The following RYR1 variants were observed in gnomAD, a reference collection of about 807,000 sequenced individuals.
RYR1 encodes ryanodine receptor 1, also known as central core disease of muscle.
RYR1 carries 342 observed loss-of-function variants against 583.5 expected under a neutral mutation model. The observed-to-expected ratio is 0.59, with a 90% confidence interval of 0.54 to 0.64. RYR1 has a LOEUF of 0.64. Among genes scored for constraint, RYR1 ranks in the 30% least tolerant of loss-of-function variants. The pLI, the probability that RYR1 is intolerant of heterozygous loss-of-function variation, is 0.00. For synonymous variants in RYR1, 2,791 were observed against 2,822.5 expected, an observed-to-expected ratio of 0.99 and a Z score of 0.35; for missense variants, 6,032 against 6,917.2, an observed-to-expected ratio of 0.87 and a Z score of 4.54.
Position 38,559,284 on chromosome 19 carries a change from G to T in RYR1, c.12283-1829G>T, listed in dbSNP as rs374629914. Among the ~76,000 whole-genome samples, 124 of 145,416 alleles carry T rather than the reference G, an allele frequency of 8.5e-4. 1 individual carries two copies. Among genetic ancestry groups the T allele is most frequent in the African/African-American group, 3.1e-3 (121 of 39,384 alleles). On this transcript the variant is annotated intron_variant, in intron 89 of 105. Coordinates refer to ENST00000359596, the MANE Select transcript of RYR1 (RefSeq NM_000540.3). ...GGTCTCGCTCTTATTGCCCAGGCTAGGTGCAATGGCACAATCTTGGCTCAC... is the reference window on the plus strand; with the variant it reads ...GGTCTCGCTCTTATTGCCCAGGCTATGTGCAATGGCACAATCTTGGCTCAC...
intron 84 of RYR1, among the ~76,000 whole-genome samples, chr19:38,541,719 A>G (rs1175156101): frequency 2.0e-5 from 3 of 152,090 alleles, no homozygotes; most frequent in Non-Finnish European, 4.4e-5. Flanking sequence ...GTATCTCAAA[A>G]AAAAAAGGAT....
chr19:38,524,041 C>T, intron 70 of RYR1, 112 bp downstream of exon 70: 19 of 1,203,634 alleles, frequency 1.6e-5, no homozygotes, highest in Non-Finnish European at 2.2e-5. Flanking sequence ...CCACCCCCGT[C>T]CTCCCCTCCC....
Position 38,473,651 on chromosome 19 carries a change from G to A in RYR1, c.4040G>A (p.Gly1347Asp). ...SAGGWSEAEN[G>D]KEGTAKEGAP... The stretch of plus-strand genomic sequence containing the variant: ...GGGGGCTGGAGCGAGGCAGAGAACG[G>A]CAAAGAAGGGACTGCGAAGGAGGGC... The change falls in exon 28 of 106, where the codon GGC becomes GAC. Residue 1347 changes from glycine (G) to aspartate (D), a missense_variant. Physicochemically the swap from Gly to Asp is moderately conservative, Grantham distance 94. Around this residue, in one of 11 missense-constraint regions of RYR1, gnomAD observed 2,627 missense variants for 2,961.3 expected, o/e 0.89. Coordinates refer to ENST00000359596, the MANE Select transcript of RYR1 (RefSeq NM_000540.3). 6.4e-7 allele frequency: 1 copy of A among 1,556,320 alleles called. No homozygotes were observed. Among genetic ancestry groups the A allele is most frequent in the Non-Finnish European group, 8.7e-7 (1 of 1,150,060 alleles).
intron 67 of RYR1, among the ~76,000 whole-genome samples, chr19:38,522,018 A>G (rs914928740): frequency 7.9e-5 from 12 of 152,026 alleles, no homozygotes; most frequent in Admixed American, 7.2e-4. Flanking sequence ...GAAAGAAAAA[A>G]TTTTAAAAAG....
At chr19:38,538,062 G>T in intron 84 of RYR1, 102 bp downstream of exon 84, 1 of 1,052,648 alleles carries the variant, frequency 9.5e-7, no homozygotes, top group South Asian at 1.3e-5. Context: ...CCCGGTCAAT[G>T]ATGGCCACTC....
In RYR1 at chr19:38,444,448, TG is replaced by T; in HGVS notation, c.538-135del. The T allele has an allele frequency of 1.2e-6, 1 of 864,010 alleles. No homozygotes were observed. The highest frequency in any genetic ancestry group is 1.9e-6 in the Non-Finnish European group (1 of 521,796). 53.5% of individuals were successfully genotyped at this position (864,010 alleles called of 1,614,324 possible). A position where few individuals can be genotyped will look rare whatever the true frequency, so the allele number is the denominator to read the frequency against. ...CCCATTGCCCGACTTGATCATTTCC[TG>T]ATCTGTGATCTCTGATGACTCTGTC... is the stretch of plus-strand genomic sequence containing the variant. On this transcript the variant is annotated intron_variant, in intron 6 of 105. Coordinates refer to ENST00000359596, the MANE Select transcript of RYR1 (RefSeq NM_000540.3). The surrounding 1 kb of genome is among the most constrained non-coding windows in gnomAD (Gnocchi z 5.1).
chr19:38,447,594 C>T (rs948036037), intron 9 of RYR1, among the ~76,000 whole-genome samples: 20 of 151,548 alleles, frequency 1.3e-4, no homozygotes, highest in African/African-American at 4.9e-4. Context: ...GTAATCCCAG[C>T]ACTTTGGGAA....
At position 38,434,565 on chromosome 19, in the gene RYR1, CTG is replaced by C. The variant is rs1228865950; in HGVS notation, c.45+693_45+694del. Among the ~76,000 whole-genome samples, 14 of 152,254 alleles carry C rather than the reference CTG, an allele frequency of 9.2e-5. No individual in the cohort carries two copies. In the East Asian group the frequency reaches 2.7e-3, roughly 29 times the overall value. On this transcript the variant is annotated intron_variant, in intron 1 of 105. Coordinates refer to ENST00000359596, the MANE Select transcript of RYR1 (RefSeq NM_000540.3). ...TTAGCTTAAGGCCCTCTGATTTTCG[CTG>C]TCTCTCTAGCTGGGTTACTCCCTGC...
rs1258150205 is a variant in RYR1, at chr19:38,460,399, C to T, written c.2385C>T (p.Arg795=). 1 of 1,614,154 alleles carries T rather than the reference C, an allele frequency of 6.2e-7. No individual in the cohort carries two copies. The highest frequency in any genetic ancestry group is 8.5e-7 in the Non-Finnish European group (1 of 1,180,024). ...GVKVRFLLGG[R]HGEFKFLPPP... Reference sequence around the variant, plus strand: ...GGGTGCGGTTCCTCCTTGGTGGCCGCCATGGTGAATTCAAGTTCCTGCCCC... The same window carrying T: ...GGGTGCGGTTCCTCCTTGGTGGCCGTCATGGTGAATTCAAGTTCCTGCCCC... Residue 795 remains arginine, a synonymous_variant, in exon 20 of 106, where the codon CGC becomes CGT. Coordinates refer to ENST00000359596, the MANE Select transcript of RYR1 (RefSeq NM_000540.3).
intron 89 of RYR1, among the ~76,000 whole-genome samples, chr19:38,549,875 TTGTG>T (rs150566334): frequency 0.15 from 18,472 of 122,008 alleles, 1,471 homozygotes; most frequent in Admixed American, 0.21. Context: ...CCAGCTAAAT[TTGTG>T]TGTGTGTGTG....
chr19:38,517,314 G>A (rs776859144), intron 65 of RYR1, 45 bp from the exon 66 acceptor site: 3 of 1,594,568 alleles, frequency 1.9e-6, no homozygotes, highest in Admixed American at 1.7e-5. Context: ...ACTGAGGTCT[G>A]GGGGTGATGG....
At position 38,507,832 on chromosome 19, in the gene RYR1, G is replaced by C. The variant is rs377404815; in HGVS notation, c.8932+5G>C. ...AGGAGTTCATTGCCCACCTGGGTAC[G>C]GAGAAATACCCCCCGCTTATGCCCG... On this transcript the variant is annotated splice_donor_5th_base_variant and intron_variant, in intron 58 of 105. Coordinates refer to ENST00000359596, the MANE Select transcript of RYR1 (RefSeq NM_000540.3). 6.3e-7 allele frequency: 1 copy of C among 1,584,980 alleles called. No homozygotes were observed.
chr19:38,536,764 A>C lies in RYR1; in HGVS notation c.11605A>C (p.Asn3869His). 1 of 1,613,280 alleles carries C rather than the reference A, an allele frequency of 6.2e-7. No individual in the cohort carries two copies. The highest frequency in any genetic ancestry group is 1.3e-5 in the African/African-American group (1 of 74,672). The change falls in exon 83 of 106, where the codon AAC becomes CAC. Residue 3869 changes from asparagine (N) to histidine (H), a missense_variant. Physicochemically the swap from Asn to His is moderately conservative, Grantham distance 68. Around this residue, in one of 11 missense-constraint regions of RYR1, gnomAD observed 1,493 missense variants for 1,715.5 expected, o/e 0.87. Coordinates refer to ENST00000359596, the MANE Select transcript of RYR1 (RefSeq NM_000540.3). Reference sequence around the variant, plus strand: ...GGCTGCCCCAGTCATCAATCGCCAGAACGGTAATTCCCCCAGCCCACCCCC... The same window carrying C: ...GGCTGCCCCAGTCATCAATCGCCAGCACGGTAATTCCCCCAGCCCACCCCC... Reference protein sequence around the residue: ...NEDGTVINRQNGEKVMADDEF... With the variant: ...NEDGTVINRQHGEKVMADDEF...
chr19:38,474,329 C>G (rs1164175544), intron 28 of RYR1, among the ~76,000 whole-genome samples: 2 of 151,592 alleles, frequency 1.3e-5, no homozygotes, highest in Non-Finnish European at 2.9e-5. Context: ...ATGGCGCAAT[C>G]TCAGCTCACT....
Position 38,482,906 on chromosome 19 carries a change from C to T in RYR1, c.4621-121C>T, listed in dbSNP as rs1309515617. On this transcript the variant is annotated intron_variant, in intron 31 of 105. Coordinates refer to ENST00000359596, the MANE Select transcript of RYR1 (RefSeq NM_000540.3). ...GACAGTCTAAGGGTGACCTCTGAGCCATTTTGGAGCCTCTAACGCCCAGAT... is the reference window on the plus strand; with the variant it reads ...GACAGTCTAAGGGTGACCTCTGAGCTATTTTGGAGCCTCTAACGCCCAGAT... 16 of 870,688 alleles carry T rather than the reference C, an allele frequency of 1.8e-5. No individual in the cohort carries two copies. The East Asian group carries it at 3.9e-4, about 21-fold the overall frequency. The allele number at this position is 870,688 out of a possible 1,614,324, so 53.9% of individuals were successfully genotyped here. A position where few individuals can be genotyped will look rare whatever the true frequency, so the allele number is the denominator to read the frequency against.
chr19:38,580,742 G>C (rs1974166857), intron 101 of RYR1, among the ~76,000 whole-genome samples: 1 of 152,078 alleles, frequency 6.6e-6, no homozygotes, highest in African/African-American at 2.4e-5. Flanking sequence ...TGTGTGCCTG[G>C]AGGCTAAGGC....
chr19:38,517,249 T>G, intron 65 of RYR1, 110 bp from the exon 66 acceptor site: 5 of 1,113,840 alleles, frequency 4.5e-6, no homozygotes, highest in African/African-American at 1.6e-5. Context: ...TGGGAGACTG[T>G]TTAAGGGGGG....
At position 38,446,547 on chromosome 19, in the gene RYR1, A is replaced by C. The variant is rs753072041; in HGVS notation, c.707A>C (p.Asp236Ala). ...MDECLTISPA[D>A]SDDQRRLVYY... ...GAGTGTCTGACCATTTCCCCTGCTG[A>C]CAGTGATGACCAGCGCAGGTCTGGG... is the stretch of plus-strand genomic sequence containing the variant. The change falls in exon 8 of 106, where the codon GAC becomes GCC. Residue 236 changes from aspartate (D) to alanine (A), a missense_variant. Physicochemically the swap from Asp to Ala is moderately radical, Grantham distance 126. Transcript: ENST00000359596. The C allele has an allele frequency of 1.2e-6, 2 of 1,614,022 alleles. No individual in the cohort carries two copies. The highest frequency in any genetic ancestry group is 1.7e-6 in the Non-Finnish European group (2 of 1,179,886).
At chr19:38,489,089 C>A in intron 34 of RYR1, 88 bp from the exon 35 acceptor site, 1 of 1,127,812 alleles carries the variant, frequency 8.9e-7, no homozygotes, top group Non-Finnish European at 1.4e-6. Context: ...TTGGCATGTG[C>A]ATGAGGGGCA....
Sources: allele counts gnomAD v4.1 joint callset (sites outside exome capture counted in the v4.1 genomes callset), GRCh38; gene constraint gnomAD v4.1.1; regional missense constraint gnomAD v4.1.1; non-coding constraint Gnocchi (gnomAD v3.1); transcripts MANE v1.5; gene names NCBI Gene and HGNC (gene_info 2026-07-23, HGNC 2026-07-21).